Variants in SUN2 observed in about 807,000 individuals in gnomAD.
SUN2 encodes Sad1 and UNC84 domain containing 2, also known as SUN domain-containing protein 2.
In SUN2, 60 loss-of-function variants were observed where a neutral mutation model predicts 100.0. The ratio of observed to expected loss-of-function variants is 0.60; its 90% CI spans 0.49 to 0.74. SUN2 has a LOEUF of 0.74. Ranked by LOEUF, SUN2 falls within the 30% of genes least tolerant of loss-of-function variation. The pLI is 0.00. For synonymous variants in SUN2, 367 were observed against 403.3 expected, an observed-to-expected ratio of 0.91 and a Z score of 1.08; for missense variants, 834 against 954.6, an observed-to-expected ratio of 0.87 and a Z score of 1.66.
At position 38,741,055 on chromosome 22, in the gene SUN2, G is replaced by GT; in HGVS notation, c.1147-6dup. 6.3e-7 allele frequency: 1 copy of GT among 1,595,378 alleles called. No individual in the cohort carries two copies. Among genetic ancestry groups the GT allele is most frequent in the South Asian group, 1.1e-5 (1 of 88,102 alleles). On this transcript the variant is annotated splice_region_variant and splice_polypyrimidine_tract_variant and intron_variant, in intron 10 of 17. Transcript: ENST00000689035. ...CTGGATGCGAGCCTCGGACTCCTGT[G>GT]TAGGAAGAAGGGACAAATACAAGAA...
At position 38,750,983 on chromosome 22, in the gene SUN2, G is replaced by A. The variant is rs771139652; in HGVS notation, c.339C>T (p.Ser113=). Residue 113 remains serine (S), a synonymous_variant, in exon 4 of 18, where the codon AGC becomes AGT. Transcript: ENST00000689035. ...TGCGCCCCACAAGCCCGCTGGCCCT[G>A]CTGCTCTCTGAGCCACCCGTGCCTC... ...RRRGTGGSES[S]RASGLVGRKA... 1 of 1,613,860 alleles carries A rather than the reference G, an allele frequency of 6.2e-7. No homozygotes were observed. The highest frequency in any genetic ancestry group is 8.5e-7 in the Non-Finnish European group (1 of 1,179,986).
chr22:38,745,584 T>C (rs1603225294), intron 8 of SUN2, 100 bp downstream of exon 8: 1 of 1,489,752 alleles, frequency 6.7e-7, no homozygotes, highest in East Asian at 2.3e-5. Flanking sequence ...CGCCTCAGCT[T>C]TGTGTGTACG....
At chr22:38,745,564 A>G (rs1569300827) in intron 8 of SUN2, 120 bp downstream of exon 8, 1 of 1,327,910 alleles carries the variant, frequency 7.5e-7, no homozygotes. Flanking sequence ...TAAGATGGCA[A>G]CTAACAGTAC....
At position 38,750,891 on chromosome 22, in the gene SUN2, C is replaced by T. The variant is rs774733394; in HGVS notation, c.424+7G>A. The stretch of plus-strand genomic sequence containing the variant: ...GATCTGCTCAGGAGGGAGGAAGCAT[C>T]GCCTACCCACGTAGTCGTCCTCAGA... On this transcript the variant is annotated splice_region_variant and intron_variant, in intron 4 of 17. Coordinates refer to ENST00000689035, the MANE Select transcript of SUN2 (RefSeq NM_015374.3). The T allele has an allele frequency of 1.5e-5, 25 of 1,613,838 alleles. No homozygotes were observed. The highest frequency in any genetic ancestry group is 1.6e-4 in the Middle Eastern group (1 of 6,080).
At position 38,739,679 on chromosome 22, in the gene SUN2, A is replaced by T. The variant is rs1238254720; in HGVS notation, c.1578+43T>A. 6.3e-6 allele frequency: 10 copies of T among 1,590,942 alleles called. No individual in the cohort carries two copies. The highest frequency in any genetic ancestry group is 8.6e-6 in the Non-Finnish European group (10 of 1,163,272). On this transcript the variant is annotated intron_variant, in intron 13 of 17. Coordinates refer to ENST00000689035, the MANE Select transcript of SUN2 (RefSeq NM_015374.3). This position sits in a 1 kb window ranked among gnomAD's most constrained non-coding sequence, Gnocchi z 6.7. ...GGACTGTCCAGGGCTCCCAGGGAGG[A>T]GAGCTGTGGGTGGGTGTGTGGAGAG...
chr22:38,744,851 T>C (rs1467661018), intron 8 of SUN2, among the ~76,000 whole-genome samples: 2 of 152,212 alleles, frequency 1.3e-5, no homozygotes, highest in Non-Finnish European at 1.5e-5. Context: ...CACATTGCTT[T>C]CTGGTTATGC....
chr22:38,738,072 C>T lies in SUN2; in HGVS notation c.2040+101G>A, dbSNP rs2092822004. 9.6e-7 allele frequency: 1 copy of T among 1,037,822 alleles called. No homozygotes were observed. The highest frequency in any genetic ancestry group is 1.5e-6 in the Non-Finnish European group (1 of 656,698). The allele number at this position is 1,037,822 out of a possible 1,614,324, so 64.3% of individuals were successfully genotyped here. ...CTGTGGGAAAGGAGAGCAGGGCTTCCCTCTCTGAACCCCATGCCTGGCAGG... is the reference window on the plus strand; with the variant it reads ...CTGTGGGAAAGGAGAGCAGGGCTTCTCTCTCTGAACCCCATGCCTGGCAGG... On this transcript the variant is annotated intron_variant, in intron 17 of 17. Transcript: ENST00000689035. The surrounding 1 kb of genome is among the most constrained non-coding windows in gnomAD (Gnocchi z 6.6).
At chr22:38,741,227 T>TG (rs1395274476) in intron 10 of SUN2, among the ~76,000 whole-genome samples, 177 bp from the exon 11 acceptor site, 3 of 151,366 alleles carry the variant, frequency 2.0e-5, no homozygotes, top group Non-Finnish European at 4.4e-5. Context: ...GTCTCGTCCA[T>TG]GTCTGACACA....
Position 38,755,184 on chromosome 22 carries a change from C to T in SUN2, c.-38+579G>A, listed in dbSNP as rs2092976392. 8.7e-7 allele frequency: 1 copy of T among 1,153,730 alleles called. No individual in the cohort carries two copies. The highest frequency in any genetic ancestry group is 1.1e-6 in the Non-Finnish European group (1 of 910,400). 71.5% of individuals were successfully genotyped at this position (1,153,730 alleles called of 1,614,324 possible). On this transcript the variant is annotated intron_variant, in intron 1 of 17. Transcript: ENST00000689035. This position sits in a 1 kb window ranked among gnomAD's most constrained non-coding sequence, Gnocchi z 5.7. ...GCATCTTCCTCGTGACATTTCCACT[C>T]CCTGGGCACAGCCAGGCCACACGCC...
chr22:38,748,128 A>G lies in SUN2; in HGVS notation c.685+585T>C, dbSNP rs145081882. Among the ~76,000 whole-genome samples the G allele has an allele frequency of 9.0e-3, 1,370 of 152,162 alleles. 25 individuals are homozygous for G. Among genetic ancestry groups the G allele is most frequent in the African/African-American group, 0.032 (1,308 of 41,502 alleles). On this transcript the variant is annotated intron_variant, in intron 7 of 17. Transcript: ENST00000689035. ...GTCAGGAGTTCGAGACCAGCCTGAC[A>G]ACATGGAGAAACCCCATCTCTAGTA...
chr22:38,755,680 C>T lies in SUN2; in HGVS notation c.-38+83G>A. On this transcript the variant is annotated intron_variant, in intron 1 of 17. Transcript: ENST00000689035. The surrounding 1 kb of genome is among the most constrained non-coding windows in gnomAD (Gnocchi z 5.7). ...GGAGGAAGCAGGCCTGGCGGCGCGGCCCCGCCCGAGTGGCCCGACGGTGAC... is the reference window on the plus strand; with the variant it reads ...GGAGGAAGCAGGCCTGGCGGCGCGGTCCCGCCCGAGTGGCCCGACGGTGAC... 4 of 978,818 alleles carry T rather than the reference C, an allele frequency of 4.1e-6. No homozygotes were observed. In the South Asian group the frequency reaches 1.9e-4, roughly 46 times the overall value. The allele number at this position is 978,818 out of a possible 1,614,324, so 60.6% of individuals were successfully genotyped here.
Position 38,750,214 on chromosome 22 carries a change from T to C in SUN2, c.520+11A>G, listed in dbSNP as rs1245013845. The C allele has an allele frequency of 6.2e-7, 1 of 1,608,134 alleles. No individual in the cohort carries two copies. Among genetic ancestry groups the C allele is most frequent in the Non-Finnish European group, 8.5e-7 (1 of 1,175,350 alleles). On this transcript the variant is annotated intron_variant, in intron 5 of 17. Coordinates refer to ENST00000689035, the MANE Select transcript of SUN2 (RefSeq NM_015374.3). ...AAGAATGGAAGTAACTGGGCACGGG[T>C]TGCAGCCCACCTGGCGAAGTGGCCA... is the stretch of plus-strand genomic sequence containing the variant.
rs2092859064 is a variant in SUN2, at chr22:38,741,690, C to G, written c.1069-119G>C. On this transcript the variant is annotated intron_variant, in intron 9 of 17. Transcript: ENST00000689035. ...TCTGTTTGCTTCCAGAGCCCTGGCTCTCAGCCTTCTCTGAACCACGCAAGA... is the reference window on the plus strand; with the variant it reads ...TCTGTTTGCTTCCAGAGCCCTGGCTGTCAGCCTTCTCTGAACCACGCAAGA... 9 of 896,664 alleles carry G rather than the reference C, an allele frequency of 1.0e-5. No individual in the cohort carries two copies. In the Middle Eastern group the frequency reaches 8.6e-4, roughly 86 times the overall value. 55.5% of individuals were successfully genotyped at this position (896,664 alleles called of 1,614,324 possible).
intron 8 of SUN2, 70 bp from the exon 9 acceptor site, chr22:38,742,625 GAC>G: frequency 1.3e-6 from 2 of 1,521,780 alleles, no homozygotes; most frequent in Non-Finnish European, 1.8e-6. Context: ...AGACCACCCC[GAC>G]ACAGCCAACA....
intron 1 of SUN2, 99 bp from the exon 2 acceptor site, chr22:38,752,764 A>C: frequency 1.5e-6 from 2 of 1,358,978 alleles, no homozygotes; most frequent in South Asian, 1.4e-5. Flanking sequence ...ACAGCCGAGA[A>C]CAGACCACCC....
Position 38,739,190 on chromosome 22 carries a change from T to C in SUN2, c.1663+152A>G. 1 of 959,778 alleles carries C rather than the reference T, an allele frequency of 1.0e-6. No homozygotes were observed. Among genetic ancestry groups the C allele is most frequent in the Non-Finnish European group, 1.6e-6 (1 of 617,068 alleles). The allele number at this position is 959,778 out of a possible 1,614,324, so 59.5% of individuals were successfully genotyped here. On this transcript the variant is annotated intron_variant, in intron 14 of 17. Coordinates refer to ENST00000689035, the MANE Select transcript of SUN2 (RefSeq NM_015374.3). The surrounding 1 kb of genome is among the most constrained non-coding windows in gnomAD (Gnocchi z 6.7). ...TCGGTACGTCCTGACTTCCCTGAAT[T>C]GCCACTTGCCTTTGTCATGGGTACT...
intron 4 of SUN2, 40 bp from the exon 5 acceptor site, chr22:38,750,360 T>C (rs1288765375): frequency 3.1e-6 from 5 of 1,610,366 alleles, no homozygotes. Flanking sequence ...TCTGTCACTT[T>C]CGAGCCTCTT....
chr22:38,751,481 C>T lies in SUN2; in HGVS notation c.123-108G>A, dbSNP rs2092945645. 3.1e-6 allele frequency: 4 copies of T among 1,271,858 alleles called. No homozygotes were observed. The African/African-American group carries it at 6.0e-5, about 19-fold the overall frequency. The allele number at this position is 1,271,858 out of a possible 1,614,324, so 78.8% of individuals were successfully genotyped here. ...CCCTGCCTAGTGCAGGGTGTGGGTT[C>T]CCTTGTTGCTAGGCAACTCGCAGCT... is the stretch of plus-strand genomic sequence containing the variant. On this transcript the variant is annotated intron_variant, in intron 2 of 17. Transcript: ENST00000689035.
Position 38,739,472 on chromosome 22 carries a change from G to C in SUN2, c.1579-46C>G, listed in dbSNP as rs1200784798. On this transcript the variant is annotated intron_variant, in intron 13 of 17. Coordinates refer to ENST00000689035, the MANE Select transcript of SUN2 (RefSeq NM_015374.3). This position sits in a 1 kb window ranked among gnomAD's most constrained non-coding sequence, Gnocchi z 6.7. ...GACGGTTGCAGCAGGGAGCAGACGTGTCCCCCTGTCACCTCGTGGCCGTGG... is the reference window on the plus strand; with the variant it reads ...GACGGTTGCAGCAGGGAGCAGACGTCTCCCCCTGTCACCTCGTGGCCGTGG... 1 of 1,598,230 alleles carries C rather than the reference G, an allele frequency of 6.3e-7. No individual in the cohort carries two copies. The highest frequency in any genetic ancestry group is 1.7e-5 in the Admixed American group (1 of 59,764).
Sources: allele counts gnomAD v4.1 joint callset (sites outside exome capture counted in the v4.1 genomes callset), GRCh38; gene constraint gnomAD v4.1.1; non-coding constraint Gnocchi (gnomAD v3.1); transcripts MANE v1.5; gene names NCBI Gene and HGNC (gene_info 2026-07-23, HGNC 2026-07-21).